Variants in DRC2 observed in about 807,000 individuals in gnomAD.
The protein encoded by DRC2 is dynein regulatory complex subunit 2.
At chr12:48,906,279 A>G in the DRC2 span, among the ~76,000 whole-genome samples, 1 of 147,628 alleles carries the variant, frequency 6.8e-6, no homozygotes, top group Admixed American at 6.8e-5. Context: ...AAGTCCACAT[A>G]CCCCACCAGT....
the DRC2 span, among the ~76,000 whole-genome samples, chr12:48,912,412 T>C: frequency 5.6e-5 from 6 of 107,834 alleles, no homozygotes; most frequent in African/African-American, 1.9e-4. Flanking sequence ...CACTCCAGCC[T>C]GGGCAACAGA....
the DRC2 span, among the ~76,000 whole-genome samples, chr12:48,906,318 T>C: frequency 6.6e-6 from 1 of 151,858 alleles, no homozygotes; most frequent in South Asian, 2.1e-4. Flanking sequence ...TTTTTTTTTT[T>C]TTGAGGCAGA....
At chr12:48,904,145 CAG>C in the DRC2 span, 10 of 662,868 alleles carry the variant, frequency 1.5e-5, no homozygotes, top group African/African-American at 1.8e-4. Context: ...ACGCGTCTTA[CAG>C]TGGGAGAGCT....
chr12:48,921,237 AGCC>A, the DRC2 span: 4 of 1,614,210 alleles, frequency 2.5e-6, no homozygotes, highest in Non-Finnish European at 3.4e-6. Context: ...GGAGCAACTG[AGCC>A]TCCAACATAG....
chr12:48,920,928 A>C, the DRC2 span: 1 of 1,607,254 alleles, frequency 6.2e-7, no homozygotes, highest in Non-Finnish European at 8.5e-7. Context: ...CGCTTCAAAT[A>C]GGGTGAAAAG....
the DRC2 span, chr12:48,917,053 C>G: frequency 1.2e-6 from 2 of 1,614,100 alleles, no homozygotes; most frequent in Non-Finnish European, 1.7e-6. Context: ...TATATAGATT[C>G]TGAGTATGAA....
At chr12:48,916,574 TGAGAGGGAGACCGTGGAAAGAGAGG>T in the DRC2 span, among the ~76,000 whole-genome samples, 10 of 151,884 alleles carry the variant, frequency 6.6e-5, no homozygotes, top group African/African-American at 1.4e-4. Context: ...CGGCTCGGCA[TGAGAGGGAGACCGTGGAAAGAGAGG>T]GAGAGGGAGA....
chr12:48,914,602 T>C, the DRC2 span: 13 of 1,608,906 alleles, frequency 8.1e-6, no homozygotes, highest in Non-Finnish European at 1.1e-5. Flanking sequence ...AGATGGGGAA[T>C]TGAATCCAGG....
the DRC2 span, among the ~76,000 whole-genome samples, chr12:48,916,284 C>T: frequency 2.6e-5 from 4 of 152,182 alleles, no homozygotes; most frequent in African/African-American, 4.8e-5. Flanking sequence ...GCCGAGATCA[C>T]GCCACTGCAC....
At chr12:48,914,034 A>G in the DRC2 span, among the ~76,000 whole-genome samples, 1 of 150,164 alleles carries the variant, frequency 6.7e-6, no homozygotes, top group South Asian at 2.1e-4. Flanking sequence ...GGCTTAAGCA[A>G]TCCTCCTGCC....
At chr12:48,914,676 C>A in the DRC2 span, 29 of 1,065,010 alleles carry the variant, frequency 2.7e-5, no homozygotes, top group Non-Finnish European at 3.6e-5. Flanking sequence ...TTGGAGCATC[C>A]CACATTGATT....
At chr12:48,904,510 C>A in the DRC2 span, 20 of 1,592,510 alleles carry the variant, frequency 1.3e-5, no homozygotes, top group Admixed American at 3.5e-4. Context: ...CCCCATCCAC[C>A]CCCTGCCCTG....
the DRC2 span, among the ~76,000 whole-genome samples, chr12:48,915,158 G>A: frequency 7.1e-5 from 10 of 140,820 alleles, no homozygotes; most frequent in African/African-American, 2.7e-4. Flanking sequence ...GTTTCTCACA[G>A]AGGGGGATTT....
the DRC2 span, chr12:48,914,621 C>T: frequency 6.3e-7 from 1 of 1,583,948 alleles, no homozygotes; most frequent in Non-Finnish European, 8.6e-7. Flanking sequence ...GGGGAGTGCC[C>T]AGAGTCCGTG....
chr12:48,904,182 T>G, the DRC2 span: 1 of 927,246 alleles, frequency 1.1e-6, no homozygotes, highest in South Asian at 1.7e-5. Context: ...GCCGGGGATC[T>G]CTCCTGTTCG....
the DRC2 span, chr12:48,904,494 G>C: frequency 8.1e-6 from 13 of 1,608,364 alleles, no homozygotes; most frequent in Non-Finnish European, 1.1e-5. Flanking sequence ...ATTATGTCCT[G>C]CTCAACCCCA....
chr12:48,918,763 G>T, the DRC2 span: 1 of 1,614,124 alleles, frequency 6.2e-7, no homozygotes, highest in Non-Finnish European at 8.5e-7. Context: ...TATCCGTAAT[G>T]ACAAGGAATT....
chr12:48,915,644 G>A, the DRC2 span, among the ~76,000 whole-genome samples: 1 of 152,084 alleles, frequency 6.6e-6, no homozygotes, highest in Non-Finnish European at 1.5e-5. Context: ...CCCAGACGGG[G>A]TGGTGGCCGG....
chr12:48,914,631 G>C, the DRC2 span: 2 of 1,548,852 alleles, frequency 1.3e-6, no homozygotes, highest in Admixed American at 1.9e-5. Context: ...CAGAGTCCGT[G>C]TCAAGGAGTT....
Sources: gnomAD v4.1 joint callset for allele counts (sites outside exome capture counted in the v4.1 genomes callset) on GRCh38, gnomAD v4.1.1 for gene constraint, MANE v1.5 for transcripts, NCBI Gene and HGNC (gene_info 2026-07-23, HGNC 2026-07-21) for gene names.